Variants in IARS1 observed in about 807,000 individuals in gnomAD.
IARS1 encodes isoleucyl-tRNA synthetase 1.
Under a neutral mutation model 168.2 loss-of-function variants are expected in IARS1, and 124 were observed. The ratio of observed to expected loss-of-function variants is 0.74; its 90% CI spans 0.64 to 0.86. IARS1 has a LOEUF of 0.86. Among genes scored for constraint, IARS1 ranks in the 40% least tolerant of loss-of-function variants. IARS1 has a pLI of 0.00. For missense variants in IARS1, 1,452 were observed against 1,515.8 expected, an observed-to-expected ratio of 0.96 and a Z score of 0.70; for synonymous variants, 532 against 529.4, an observed-to-expected ratio of 1.00 and a Z score of -0.07.
At chr9:92,247,577 A>G (rs202184918) in intron 25 of IARS1, 26 bp from the exon 26 acceptor site, 66 of 1,598,770 alleles carry the variant, frequency 4.1e-5, no homozygotes, top group Non-Finnish European at 5.5e-5. Flanking sequence ...AAGAGGAAAC[A>G]AAAATGAGAA....
chr9:92,229,677 T>C (rs1335405200), intron 30 of IARS1, among the ~76,000 whole-genome samples: 2 of 152,226 alleles, frequency 1.3e-5, no homozygotes, highest in African/African-American at 4.8e-5. Flanking sequence ...TAGAGCCAAA[T>C]GCACGTAGTG....
At chr9:92,286,996 T>C (rs1053953725) in intron 4 of IARS1, among the ~76,000 whole-genome samples, 1 of 152,138 alleles carries the variant, frequency 6.6e-6, no homozygotes, top group African/African-American at 2.4e-5. Context: ...TACTTATTAA[T>C]TACAAAGGAA....
At position 92,223,347 on chromosome 9, in the gene IARS1, T is replaced by C. The variant is rs777875841; in HGVS notation, c.3552A>G (p.Gln1184=). 6 of 1,611,058 alleles carry C rather than the reference T, an allele frequency of 3.7e-6. No individual in the cohort carries two copies. Among genetic ancestry groups the C allele is most frequent in the East Asian group, 4.5e-5 (2 of 44,856 alleles). The change falls in exon 32 of 34, where the codon CAA becomes CAG. Residue 1184 remains glutamine, a splice_region_variant and synonymous_variant. Coordinates refer to ENST00000443024, the MANE Select transcript of IARS1 (RefSeq NM_002161.6). Reference sequence around the variant, plus strand: ...TGCCTGCTGTGGGGAGGCACATACCTTGTGGCTTTGCATTCAGGAGCTGTA... The same window carrying C: ...TGCCTGCTGTGGGGAGGCACATACCCTGTGGCTTTGCATTCAGGAGCTGTA... ...INLQLLNAKP[Q]ECLMGTVGTL... is the part of the protein sequence containing the mutation.
intron 30 of IARS1, among the ~76,000 whole-genome samples, chr9:92,230,143 C>G (rs1223694395): frequency 6.6e-6 from 1 of 151,298 alleles, no homozygotes; most frequent in Admixed American, 6.6e-5. Context: ...TGGAGTTTAG[C>G]TTTGTCGCTC....
At chr9:92,254,006 G>A (rs530788445) in intron 20 of IARS1, 9 of 411,010 alleles carry the variant, frequency 2.2e-5, no homozygotes, top group Middle Eastern at 3.6e-4. Context: ...GGTGCTACTG[G>A]AATCTAATGG....
At chr9:92,293,372 A>T in intron 1 of IARS1, 2 of 428,274 alleles carry the variant, frequency 4.7e-6, no homozygotes, top group Non-Finnish European at 9.7e-6. Context: ...CCTATACATA[A>T]AGTCACAGCT....
At chr9:92,222,490 T>TA (rs747737413) in intron 33 of IARS1, 30 bp downstream of exon 33, 11 of 1,600,712 alleles carry the variant, frequency 6.9e-6, no homozygotes, top group South Asian at 1.1e-5. Context: ...TCAACAAAAA[T>TA]AAAAAACTTA....
chr9:92,218,989 G>T (rs1024737496), intron 33 of IARS1, among the ~76,000 whole-genome samples: 8 of 152,138 alleles, frequency 5.3e-5, no homozygotes, highest in East Asian at 1.9e-4. Flanking sequence ...AAAGAACAAG[G>T]CTGGAGGCAT....
intron 14 of IARS1, among the ~76,000 whole-genome samples, chr9:92,267,421 A>G (rs918288483): frequency 3.3e-5 from 5 of 152,210 alleles, no homozygotes; most frequent in Non-Finnish European, 7.3e-5. Context: ...TTTGGACAGA[A>G]GGCCAAACAC....
chr9:92,217,939 T>C (rs934646434), intron 33 of IARS1, among the ~76,000 whole-genome samples: 4 of 152,112 alleles, frequency 2.6e-5, no homozygotes, highest in African/African-American at 4.8e-5. Flanking sequence ...CCAGCATCAT[T>C]CTGATACCAA....
At position 92,286,622 on chromosome 9, in the gene IARS1, T is replaced by C. The variant is rs1453648753; in HGVS notation, c.397-4A>G. 19 of 1,444,156 alleles carry C rather than the reference T, an allele frequency of 1.3e-5. No homozygotes were observed. Among genetic ancestry groups the C allele is most frequent in the Non-Finnish European group, 1.8e-5 (18 of 1,026,212 alleles). The allele number at this position is 1,444,156 out of a possible 1,614,324, so 89.5% of individuals were successfully genotyped here. ...GGCCAAGTCTGCTAACAGTAGACTT[T>C]AAAATATTAATATTAGAACAGTATT... On this transcript the variant is annotated splice_polypyrimidine_tract_variant and splice_region_variant and intron_variant, in intron 4 of 33. Coordinates refer to ENST00000443024, the MANE Select transcript of IARS1 (RefSeq NM_002161.6).
intron 14 of IARS1, 49 bp downstream of exon 14, chr9:92,268,125 C>T: frequency 6.6e-7 from 1 of 1,516,750 alleles, no homozygotes; most frequent in Non-Finnish European, 8.8e-7. Flanking sequence ...ATTTCATGAA[C>T]AAAATGCTTT....
chr9:92,279,855 C>T (rs780631166), intron 7 of IARS1, among the ~76,000 whole-genome samples: 1 of 152,200 alleles, frequency 6.6e-6, no homozygotes, highest in Non-Finnish European at 1.5e-5. Context: ...CTCTGAAGTT[C>T]ACTTCTCGAT....
At chr9:92,239,114 T>C (rs1827980460) in intron 30 of IARS1, among the ~76,000 whole-genome samples, 1 of 152,194 alleles carries the variant, frequency 6.6e-6, no homozygotes, top group Admixed American at 6.5e-5. Flanking sequence ...GTCTATTGAA[T>C]TACCCTCCAT....
chr9:92,220,968 A>T lies in IARS1; in HGVS notation c.3706+1552T>A, dbSNP rs529243688. ...GACAGAACAAGACCAAGTCTCAAAA[A>T]CAAAACAAAACAAAACAAAAAAACC... is the stretch of plus-strand genomic sequence containing the variant. On this transcript the variant is annotated intron_variant, in intron 33 of 33. Transcript: ENST00000443024. Among the ~76,000 whole-genome samples, 19 of 152,266 alleles carry T rather than the reference A, an allele frequency of 1.2e-4. No homozygotes were observed. The East Asian group carries it at 3.5e-3, about 28-fold the overall frequency.
intron 32 of IARS1, among the ~76,000 whole-genome samples, chr9:92,222,903 G>A (rs531560026): frequency 4.2e-4 from 64 of 152,044 alleles, no homozygotes; most frequent in Non-Finnish European, 8.4e-4. Context: ...AAGCCCAGCA[G>A]CTTGGGGAGC....
At chr9:92,247,672 A>C (rs897175805) in intron 25 of IARS1, 121 bp from the exon 26 acceptor site, 1 of 785,400 alleles carries the variant, frequency 1.3e-6, no homozygotes, top group Non-Finnish European at 2.0e-6. Context: ...TCAAGTGTCC[A>C]TCAACTGTGA....
intron 30 of IARS1, among the ~76,000 whole-genome samples, chr9:92,230,582 T>C (rs1826513872): frequency 6.6e-6 from 1 of 152,216 alleles, no homozygotes; most frequent in African/African-American, 2.4e-5. Flanking sequence ...ATAAGTACTA[T>C]ATACATTCAT....
At chr9:92,278,391 G>A (rs2133925115) in intron 7 of IARS1, 105 bp from the exon 8 acceptor site, 5 of 770,786 alleles carry the variant, frequency 6.5e-6, no homozygotes, top group South Asian at 4.2e-5. Context: ...CCTGTACCAT[G>A]TGCCTCTACT....
Sources: gnomAD v4.1 joint callset for allele counts (sites outside exome capture counted in the v4.1 genomes callset) on GRCh38, gnomAD v4.1.1 for gene constraint, MANE v1.5 for transcripts, NCBI Gene and HGNC (gene_info 2026-07-23, HGNC 2026-07-21) for gene names.